The following PTGER2 variants were observed in gnomAD, a reference collection of about 807,000 sequenced individuals.
PTGER2 encodes the protein prostaglandin E2 receptor EP2 subtype.
A neutral mutation model predicts 26.2 loss-of-function variants in PTGER2; 22 were observed. The ratio of observed to expected loss-of-function variants is 0.84; its 90% confidence interval spans 0.60 to 1.20. The LOEUF (loss-of-function observed/expected upper bound fraction) is 1.20, where lower values mean the gene tolerates loss of function less well. PTGER2 is among the 50% of genes most tolerant of loss of function. The probability of loss-of-function intolerance (pLI) is 0.00; values close to 1 mark genes in which losing one functional copy is unlikely to be tolerated. For synonymous variants in PTGER2, 219 were observed against 208.9 expected, an observed-to-expected ratio of 1.05 and a Z score of -0.42; for missense variants, 458 against 475.2, an observed-to-expected ratio of 0.96 and a Z score of 0.34.
chr14:52,314,901 T>C lies in PTGER2; in HGVS notation c.353T>C (p.Phe118Ser). Reference sequence around the variant, plus strand: ...ACCTACTTCGCTTTCGCCATGACCTTCTTCAGCCTGGCCACGATGCTCATG... The same window carrying C: ...ACCTACTTCGCTTTCGCCATGACCTCCTTCAGCCTGGCCACGATGCTCATG... Reference protein sequence around the residue: ...ACTYFAFAMTFFSLATMLMLF... With the variant: ...ACTYFAFAMTSFSLATMLMLF... Residue 118 changes from phenylalanine (F) to serine (S), a missense_variant, in exon 1 of 2, where the codon TTC becomes TCC. Physicochemically the swap from Phe to Ser is radical, Grantham distance 155. Coordinates refer to ENST00000245457, the MANE Select transcript of PTGER2 (RefSeq NM_000956.4). This position sits in a 1 kb window ranked among gnomAD's most constrained non-coding sequence, Gnocchi z 5.7. The C allele has an allele frequency of 6.2e-7, 1 of 1,612,800 alleles. No homozygotes were observed. The highest frequency in any genetic ancestry group is 8.5e-7 in the Non-Finnish European group (1 of 1,179,824).
intron 1 of PTGER2, among the ~76,000 whole-genome samples, chr14:52,320,545 G>A (rs542962290): frequency 5.3e-5 from 8 of 152,178 alleles, no homozygotes; most frequent in East Asian, 1.9e-4. Flanking sequence ...TGGTGAGACC[G>A]TGTTTCAGGA....
chr14:52,327,351 T>A lies in PTGER2; in HGVS notation c.974T>A (p.Leu325Gln). Reference sequence around the variant, plus strand: ...ATCCTTAGGCCTCCTGTTCTGAGACTAATGCGTTCAGTCCTCTGTTGTCGG... The same window carrying A: ...ATCCTTAGGCCTCCTGTTCTGAGACAAATGCGTTCAGTCCTCTGTTGTCGG... The part of the protein sequence containing the change: ...FAILRPPVLR[L>Q]MRSVLCCRIS... Residue 325 changes from leucine to glutamine, a missense_variant, in exon 2 of 2, where the codon CTA (leucine) becomes CAA (glutamine). Leu to Gln is a moderately radical substitution (Grantham distance 113). Coordinates refer to ENST00000245457, the MANE Select transcript of PTGER2 (RefSeq NM_000956.4). 1 of 1,613,354 alleles carries A rather than the reference T, an allele frequency of 6.2e-7. No individual in the cohort carries two copies. Among genetic ancestry groups the A allele is most frequent in the Non-Finnish European group, 8.5e-7 (1 of 1,179,298 alleles).
At chr14:52,322,789 C>A (rs183811184) in intron 1 of PTGER2, among the ~76,000 whole-genome samples, 2 of 152,116 alleles carry the variant, frequency 1.3e-5, no homozygotes, top group Non-Finnish European at 2.9e-5. Context: ...AATATCTTCC[C>A]TACATGCATG....
At position 52,327,449 on chromosome 14, in the gene PTGER2, C is replaced by A. The variant is rs1285393120; in HGVS notation, c.1072C>A (p.Leu358Ile). The change falls in exon 2 of 2, where the codon CTT becomes ATT. Residue 358 changes from leucine to isoleucine, a missense_variant. Coordinates refer to ENST00000245457, the MANE Select transcript of PTGER2 (RefSeq NM_000956.4). Reference sequence around the variant, plus strand: ...GTCAGATGCCAGTAAACAGGCTGACCTTTGAGGTCAGTAGTTTAAAAGTTC... The same window carrying A: ...GTCAGATGCCAGTAAACAGGCTGACATTTGAGGTCAGTAGTTTAAAAGTTC... ...TQSDASKQAD[L>I] The A allele has an allele frequency of 6.3e-7, 1 of 1,592,142 alleles. No individual in the cohort carries two copies. Among genetic ancestry groups the A allele is most frequent in the Non-Finnish European group, 8.6e-7 (1 of 1,161,386 alleles).
chr14:52,322,556 G>A (rs566120727), intron 1 of PTGER2, among the ~76,000 whole-genome samples: 24 of 152,210 alleles, frequency 1.6e-4, no homozygotes, highest in South Asian at 6.2e-4. Context: ...AACAGGGTTC[G>A]AGAGCAGAGA....
At chr14:52,321,254 C>T (rs1340826558) in intron 1 of PTGER2, among the ~76,000 whole-genome samples, 2 of 70,922 alleles carry the variant, frequency 2.8e-5, no homozygotes, top group Non-Finnish European at 8.2e-5. Flanking sequence ...ATAATCTCCC[C>T]CCAAAATGTT....
Position 52,327,152 on chromosome 14 carries a change from C to T in PTGER2, c.844-69C>T, listed in dbSNP as rs890512276. 4.3e-6 allele frequency: 5 copies of T among 1,151,866 alleles called. No homozygotes were observed. The African/African-American group carries it at 6.2e-5, about 14-fold the overall frequency. The allele number at this position is 1,151,866 out of a possible 1,614,324, so 71.4% of individuals were successfully genotyped here. A position where few individuals can be genotyped will look rare whatever the true frequency, so the allele number is the denominator to read the frequency against. ...TTTGCTTTTAAATCTCAAGACATAA[C>T]ATAGGGTCTAAGCCTGTCTACTGCT... On this transcript the variant is annotated intron_variant, in intron 1 of 1. Coordinates refer to ENST00000245457, the MANE Select transcript of PTGER2 (RefSeq NM_000956.4).
chr14:52,315,210 A>G lies in PTGER2; in HGVS notation c.662A>G (p.Asn221Ser), dbSNP rs753753441. 6.2e-7 allele frequency: 1 copy of G among 1,608,706 alleles called. No individual in the cohort carries two copies. The highest frequency in any genetic ancestry group is 8.5e-7 in the Non-Finnish European group (1 of 1,179,374). The change falls in exon 1 of 2, where the codon AAC becomes AGC. Residue 221 changes from asparagine (N) to serine (S), a missense_variant. Coordinates refer to ENST00000245457, the MANE Select transcript of PTGER2 (RefSeq NM_000956.4). ...VLACNFSVIL[N>S]LIRMHRRSRR... ...GCCTGCAACTTCAGTGTCATTCTCAACCTCATCCGCATGCACCGCCGAAGC... is the reference window on the plus strand; with the variant it reads ...GCCTGCAACTTCAGTGTCATTCTCAGCCTCATCCGCATGCACCGCCGAAGC...
chr14:52,318,106 G>A (rs962147482), intron 1 of PTGER2, among the ~76,000 whole-genome samples: 1 of 152,210 alleles, frequency 6.6e-6, no homozygotes, highest in East Asian at 1.9e-4. Context: ...GCCTCCAGGG[G>A]AGGTTGCTTT....
rs942225557 is a variant in PTGER2 at position 52,327,085 on chromosome 14, C to T, written c.844-136C>T. On this transcript the variant is annotated intron_variant, in intron 1 of 1. Transcript: ENST00000245457. The stretch of plus-strand genomic sequence containing the variant: ...AGGAAGAAAGGTAAGATTCCCAACC[C>T]CCACCTTTCGTTCCCCACCACTACC... 3 of 629,984 alleles carry T rather than the reference C, an allele frequency of 4.8e-6. No homozygotes were observed. The African/African-American group carries it at 5.5e-5, about 12-fold the overall frequency. The allele number at this position is 629,984 out of a possible 1,614,324, so 39.0% of individuals were successfully genotyped here.
chr14:52,323,065 G>T (rs2033913834), intron 1 of PTGER2, among the ~76,000 whole-genome samples: 1 of 152,126 alleles, frequency 6.6e-6, no homozygotes, highest in Non-Finnish European at 1.5e-5. Context: ...AGTAAGACAG[G>T]CGTAAGAAAT....
At chr14:52,319,899 T>C (rs1473308052) in intron 1 of PTGER2, among the ~76,000 whole-genome samples, 1 of 152,238 alleles carries the variant, frequency 6.6e-6, no homozygotes, top group Non-Finnish European at 1.5e-5. Context: ...AGTGGAAATC[T>C]GATCTTGGCA....
intron 1 of PTGER2, among the ~76,000 whole-genome samples, chr14:52,317,994 A>G (rs1203048486): frequency 6.6e-6 from 1 of 152,236 alleles, no homozygotes; most frequent in Non-Finnish European, 1.5e-5. Flanking sequence ...GAAATGCTGT[A>G]CTATCTTGAT....
At chr14:52,321,237 C>A (rs2033891974) in intron 1 of PTGER2, among the ~76,000 whole-genome samples, 2 of 142,388 alleles carry the variant, frequency 1.4e-5, no homozygotes, top group Non-Finnish European at 3.1e-5. Flanking sequence ...CATCATATAC[C>A]TGAAAAATAA....
At chr14:52,317,952 A>T (rs1566495457) in intron 1 of PTGER2, among the ~76,000 whole-genome samples, 2 of 152,252 alleles carry the variant, frequency 1.3e-5, no homozygotes, top group Non-Finnish European at 2.9e-5. Flanking sequence ...AATTGCTAGT[A>T]TCTTTCACTT....
intron 1 of PTGER2, among the ~76,000 whole-genome samples, chr14:52,322,604 TC>T (rs1381933187): frequency 6.6e-6 from 1 of 152,040 alleles, no homozygotes; most frequent in Non-Finnish European, 1.5e-5. Flanking sequence ...TGGGTTTTTT[TC>T]CCCACCCTAG....
At position 52,314,950 on chromosome 14, in the gene PTGER2, C is replaced by T. The variant is rs1166161863; in HGVS notation, c.402C>T (p.Arg134=). 6.2e-7 allele frequency: 1 copy of T among 1,613,114 alleles called. No individual in the cohort carries two copies. The highest frequency in any genetic ancestry group is 2.2e-5 in the East Asian group (1 of 44,874). The change falls in exon 1 of 2, where the codon CGC becomes CGT. Residue 134 remains arginine, a synonymous_variant. Transcript: ENST00000245457. This position sits in a 1 kb window ranked among gnomAD's most constrained non-coding sequence, Gnocchi z 5.7. ...TGCTCTTCGCCATGGCCCTGGAGCG[C>T]TACCTCTCGATCGGGCACCCCTACT... ...MLMLFAMALE[R]YLSIGHPYFY...
rs1276290538 is a variant in PTGER2, at chr14:52,328,320, C to G, written c.*866C>G. On this transcript the variant is annotated 3_prime_UTR_variant, in exon 2 of 2. Transcript: ENST00000245457. Reference sequence around the variant, plus strand: ...GTTCATTCTTCAGATATACTGGAACCCTTTTAAAGTTGATATTGGGGCCAT... The same window carrying G: ...GTTCATTCTTCAGATATACTGGAACGCTTTTAAAGTTGATATTGGGGCCAT... 6.6e-6 allele frequency: 1 copy of G among 152,470 alleles called. No homozygotes were observed. Among genetic ancestry groups the G allele is most frequent in the South Asian group, 2.1e-4 (1 of 4,816 alleles). 9.4% of individuals were successfully genotyped at this position (152,470 alleles called of 1,614,324 possible). A position where few individuals can be genotyped will look rare whatever the true frequency, so the allele number is the denominator to read the frequency against.
Position 52,327,468 on chromosome 14 carries a change from A to C in PTGER2, c.*14A>C, listed in dbSNP as rs753398993. On this transcript the variant is annotated 3_prime_UTR_variant, in exon 2 of 2. Coordinates refer to ENST00000245457, the MANE Select transcript of PTGER2 (RefSeq NM_000956.4). ...GCTGACCTTTGAGGTCAGTAGTTTA[A>C]AAGTTCTTAGTTATATAGCATCTGG... 19 of 1,548,776 alleles carry C rather than the reference A, an allele frequency of 1.2e-5. No individual in the cohort carries two copies. Among genetic ancestry groups the C allele is most frequent in the Non-Finnish European group, 1.5e-5 (17 of 1,125,384 alleles).
Sources: allele counts gnomAD v4.1 joint callset (sites outside exome capture counted in the v4.1 genomes callset), GRCh38; gene constraint gnomAD v4.1.1; non-coding constraint Gnocchi (gnomAD v3.1); transcripts MANE v1.5; gene names NCBI Gene and HGNC (gene_info 2026-07-23, HGNC 2026-07-21).